The following RXRA variants were observed in gnomAD, a reference collection of about 807,000 sequenced individuals.
RXRA encodes retinoic acid receptor RXR-alpha.
A neutral mutation model predicts 44.5 loss-of-function variants in RXRA; 5 were observed. The observed-to-expected ratio is 0.11, with a 90% CI of 0.06 to 0.24. The LOEUF is 0.24. RXRA is among the 10% of genes least tolerant of loss of function. The pLI is 1.00. For synonymous variants in RXRA, 291 were observed against 271.4 expected, an observed-to-expected ratio of 1.07 and a Z score of -0.71; for missense variants, 412 against 646.5, an observed-to-expected ratio of 0.64 and a Z score of 3.93.
chr9:134,410,722 C>T (rs1255658945), intron 4 of RXRA, among the ~76,000 whole-genome samples: 1 of 152,096 alleles, frequency 6.6e-6, no homozygotes, highest in African/African-American at 2.4e-5. Flanking sequence ...GGGAAGGCCT[C>T]GTGTGCAGCC....
At position 134,353,734 on chromosome 9, in the gene RXRA, C is replaced by A. The variant is rs545056693; in HGVS notation, c.28+27075C>A. On this transcript the variant is annotated intron_variant, in intron 1 of 9. Coordinates refer to ENST00000481739, the MANE Select transcript of RXRA (RefSeq NM_002957.6). ...GGCAGGCAGGAGAGGGAACTGCTGT[C>A]TCCTCATGCTACCCATGGGCCTGGT... 6.8e-4 allele frequency among the ~76,000 whole-genome samples: 104 copies of A among 152,362 alleles called. 1 individual carries two copies. The highest frequency in any genetic ancestry group is 2.3e-3 in the African/African-American group (96 of 41,586).
chr9:134,422,550 T>C lies in RXRA; in HGVS notation c.910+745T>C, dbSNP rs563787890. 485 of 1,053,158 alleles carry C rather than the reference T, an allele frequency of 4.6e-4. No individual in the cohort carries two copies. The African/African-American group carries it at 7.8e-3, about 17-fold the overall frequency. 65.2% of individuals were successfully genotyped at this position (1,053,158 alleles called of 1,614,324 possible). ...CCCCTTCCGGGACACTCCCCCCTCC[T>C]GGGACAGTCCCCACTCCCGGGACAC... On this transcript the variant is annotated intron_variant, in intron 6 of 9. Transcript: ENST00000481739.
Position 134,417,295 on chromosome 9 carries a change from G to T in RXRA, c.748G>T (p.Val250Leu), listed in dbSNP as rs767968089. ...CGTGGAGCCCAAGACCGAGACCTAC[G>T]TGGAGGCAAACATGGGGCTGAACCC... The part of the protein sequence containing the change: ...LAVEPKTETY[V>L]EANMGLNPSS... The change falls in exon 5 of 10, where the codon GTG becomes TTG. Residue 250 changes from valine (V) to leucine (L), a missense_variant. Val to Leu is a conservative substitution (Grantham distance 32). This residue lies in a region of RXRA where 67 missense variants were observed against 78.7 expected (regional missense o/e 0.85). Coordinates refer to ENST00000481739, the MANE Select transcript of RXRA (RefSeq NM_002957.6). This position sits in a 1 kb window ranked among gnomAD's most constrained non-coding sequence, Gnocchi z 6.1. 2 of 1,613,774 alleles carry T rather than the reference G, an allele frequency of 1.2e-6. No individual in the cohort carries two copies. The highest frequency in any genetic ancestry group is 8.5e-7 in the Non-Finnish European group (1 of 1,179,968).
intron 1 of RXRA, among the ~76,000 whole-genome samples, chr9:134,395,244 C>T (rs1048026322): frequency 2.1e-4 from 32 of 152,236 alleles, no homozygotes; most frequent in Non-Finnish European, 3.4e-4. Context: ...TGGTGCAGAC[C>T]CAGATTTCTG....
Position 134,424,471 on chromosome 9 carries a change from C to G in RXRA, c.910+2666C>G, listed in dbSNP as rs1397821596. ...GGGCCCTGCTCATGCATGCTTCTGG[C>G]TTCGAGGGCCGCATGGTGAGGTCTG... On this transcript the variant is annotated intron_variant, in intron 6 of 9. Coordinates refer to ENST00000481739, the MANE Select transcript of RXRA (RefSeq NM_002957.6). The G allele has an allele frequency of 3.0e-6, 3 of 985,356 alleles. No individual in the cohort carries two copies. In the African/African-American group the frequency reaches 5.2e-5, roughly 17 times the overall value. The allele number at this position is 985,356 out of a possible 1,614,324, so 61.0% of individuals were successfully genotyped here.
chr9:134,419,032 T>C (rs1016311833), intron 5 of RXRA, among the ~76,000 whole-genome samples: 1 of 152,160 alleles, frequency 6.6e-6, no homozygotes, highest in Non-Finnish European at 1.5e-5. Flanking sequence ...CTACTCTGGC[T>C]GGGGGCTGGG....
rs1347142508 is a variant in RXRA at position 134,342,862 on chromosome 9, C to T, written c.28+16203C>T. ...GGTGGTGGCTGTGGCCCTGCCACCA[C>T]CACAGTGACCTTCCCTTTGTATGTG... On this transcript the variant is annotated intron_variant, in intron 1 of 9. Coordinates refer to ENST00000481739, the MANE Select transcript of RXRA (RefSeq NM_002957.6). This position sits in a 1 kb window ranked among gnomAD's most constrained non-coding sequence, Gnocchi z 4.4. Among the ~76,000 whole-genome samples the T allele has an allele frequency of 6.6e-6, 1 of 152,170 alleles. No individual in the cohort carries two copies. Among genetic ancestry groups the T allele is most frequent in the Non-Finnish European group, 1.5e-5 (1 of 68,032 alleles).
intron 1 of RXRA, among the ~76,000 whole-genome samples, chr9:134,377,331 C>T (rs909066528): frequency 2.0e-5 from 3 of 152,192 alleles, no homozygotes; most frequent in African/African-American, 2.4e-5. Flanking sequence ...TGGCGTTGTC[C>T]CCATCACTGC....
intron 5 of RXRA, among the ~76,000 whole-genome samples, chr9:134,420,424 C>T (rs1564293861): frequency 6.6e-6 from 1 of 152,194 alleles, no homozygotes; most frequent in African/African-American, 2.4e-5. Context: ...CTGTGGTCAA[C>T]CCCACTCAGC....
In RXRA at chr9:134,399,943, G is replaced by C. The variant is rs34008373; in HGVS notation, c.29-1689G>C. Among the ~76,000 whole-genome samples the C allele has an allele frequency of 4.6e-5, 7 of 152,342 alleles. No individual in the cohort carries two copies. In the South Asian group the frequency reaches 1.4e-3, roughly 32 times the overall value. ...GAGGGGGTGTGTGGAGCAGGCCTGA[G>C]GCTGCTGGACAAGAATGGGCAAATG... On this transcript the variant is annotated intron_variant, in intron 1 of 9. Coordinates refer to ENST00000481739, the MANE Select transcript of RXRA (RefSeq NM_002957.6).
intron 1 of RXRA, among the ~76,000 whole-genome samples, chr9:134,352,987 G>T (rs1830240144): frequency 6.6e-6 from 1 of 152,132 alleles, no homozygotes; most frequent in African/African-American, 2.4e-5. Flanking sequence ...GCCAGCTGGG[G>T]GCTGTGACGT....
At chr9:134,397,511 ACTT>A (rs921486853) in intron 1 of RXRA, among the ~76,000 whole-genome samples, 15 of 151,450 alleles carry the variant, frequency 9.9e-5, no homozygotes, top group Admixed American at 2.0e-4. Context: ...TCACTCCACC[ACTT>A]CTTCTGTGCA....
rs1477206829 is a variant in RXRA at position 134,349,631 on chromosome 9, A to T, written c.28+22972A>T. On this transcript the variant is annotated intron_variant, in intron 1 of 9. Coordinates refer to ENST00000481739, the MANE Select transcript of RXRA (RefSeq NM_002957.6). This position sits in a 1 kb window ranked among gnomAD's most constrained non-coding sequence, Gnocchi z 4.3. ...CCCCATGAGTGGGTGACATCAGGAGACCCCGCATCAGGCAAGGTTACCTGT... is the reference window on the plus strand; with the variant it reads ...CCCCATGAGTGGGTGACATCAGGAGTCCCCGCATCAGGCAAGGTTACCTGT... Among the ~76,000 whole-genome samples the T allele has an allele frequency of 1.3e-5, 2 of 151,878 alleles. No homozygotes were observed. Among genetic ancestry groups the T allele is most frequent in the Non-Finnish European group, 2.9e-5 (2 of 67,964 alleles).
chr9:134,413,933 G>T (rs994250206), intron 4 of RXRA, among the ~76,000 whole-genome samples: 1 of 152,096 alleles, frequency 6.6e-6, no homozygotes, highest in Non-Finnish European at 1.5e-5. Context: ...AGCCTCCCCC[G>T]TGCCTCCACT....
intron 2 of RXRA, chr9:134,404,318 G>C (rs182275238): frequency 1.3e-5 from 2 of 152,804 alleles, no homozygotes; most frequent in East Asian, 1.9e-4. Flanking sequence ...AGTCTGGGGG[G>C]GCTTGGGTAG....
intron 1 of RXRA, among the ~76,000 whole-genome samples, chr9:134,345,981 A>T (rs1243157551): frequency 6.6e-6 from 1 of 152,004 alleles, no homozygotes; most frequent in African/African-American, 2.4e-5. Flanking sequence ...GTGTTTCCTG[A>T]TACATGTGCG....
rs1188182529 is a variant in RXRA at position 134,343,019 on chromosome 9, C to T, written c.28+16360C>T. ...GTGGGGGGACCTCCTTCTAGAGAGG[C>T]CCCAGCAGATTATGGGATTTTCACC... On this transcript the variant is annotated intron_variant, in intron 1 of 9. Transcript: ENST00000481739. The surrounding 1 kb of genome is among the most constrained non-coding windows in gnomAD (Gnocchi z 4.1). Among the ~76,000 whole-genome samples the T allele has an allele frequency of 6.6e-6, 1 of 152,150 alleles. No homozygotes were observed. Among genetic ancestry groups the T allele is most frequent in the African/African-American group, 2.4e-5 (1 of 41,432 alleles).
intron 5 of RXRA, among the ~76,000 whole-genome samples, chr9:134,420,573 G>A (rs1831313406): frequency 6.6e-6 from 1 of 152,364 alleles, no homozygotes; most frequent in South Asian, 2.1e-4. Context: ...CTTTCCCGCC[G>A]GGCGCTGCGT....
intron 1 of RXRA, among the ~76,000 whole-genome samples, chr9:134,333,259 G>A (rs1032143403): frequency 6.6e-6 from 1 of 152,180 alleles, no homozygotes; most frequent in African/African-American, 2.4e-5. Flanking sequence ...TTGATGATAG[G>A]CTTCAGCCCC....
Sources: gnomAD v4.1 joint callset for allele counts (sites outside exome capture counted in the v4.1 genomes callset) on GRCh38, gnomAD v4.1.1 for gene constraint, gnomAD v4.1.1 regional missense constraint, Gnocchi (gnomAD v3.1) non-coding constraint, MANE v1.5 for transcripts, NCBI Gene and HGNC (gene_info 2026-07-23, HGNC 2026-07-21) for gene names.